The following FOXP1 variants were observed in gnomAD, a reference collection of about 807,000 sequenced individuals.
FOXP1 encodes the protein forkhead box protein P1.
FOXP1 carries 15 observed loss-of-function variants against 98.2 expected under a neutral mutation model. The observed-to-expected ratio is 0.15, with a 90% CI of 0.10 to 0.24. FOXP1 has a LOEUF of 0.24. Ranked by LOEUF, FOXP1 falls within the 10% of genes least tolerant of loss-of-function variation. FOXP1 has a pLI of 1.00. For synonymous variants in FOXP1, 371 were observed against 314.5 expected, an observed-to-expected ratio of 1.18 and a Z score of -1.90; for missense variants, 633 against 848.5, an observed-to-expected ratio of 0.75 and a Z score of 3.15.
At chr3:71,173,324 C>G (rs374071071) in intron 6 of FOXP1, among the ~76,000 whole-genome samples, 1 of 151,606 alleles carries the variant, frequency 6.6e-6, no homozygotes, top group Admixed American at 6.6e-5. Context: ...ATCAGCCTGA[C>G]TCTATTCACA....
chr3:71,263,317 C>T (rs757593448), intron 5 of FOXP1, among the ~76,000 whole-genome samples: 13 of 152,302 alleles, frequency 8.5e-5, no homozygotes, highest in East Asian at 1.9e-4. Flanking sequence ...GCCTGTGCAA[C>T]ACCACGAAAG....
chr3:71,246,984 C>A (rs2067799862), intron 5 of FOXP1, among the ~76,000 whole-genome samples: 1 of 152,090 alleles, frequency 6.6e-6, no homozygotes, highest in Non-Finnish European at 1.5e-5. Context: ...TCAATACATT[C>A]AATACAGGGT....
intron 3 of FOXP1, among the ~76,000 whole-genome samples, chr3:71,420,036 C>T (rs568307013): frequency 1.3e-5 from 2 of 152,016 alleles, no homozygotes; most frequent in South Asian, 4.2e-4. Flanking sequence ...AGGCTGGTCT[C>T]GAACTCCTGA....
intron 11 of FOXP1, 21 bp downstream of exon 11, chr3:71,041,307 A>G: frequency 6.2e-7 from 1 of 1,610,118 alleles, no homozygotes; most frequent in Admixed American, 1.7e-5. Context: ...TTTTGGACCC[A>G]TCTCAGTGGC....
At chr3:71,458,134 G>T (rs528189384) in intron 3 of FOXP1, among the ~76,000 whole-genome samples, 1 of 152,142 alleles carries the variant, frequency 6.6e-6, no homozygotes, top group Admixed American at 6.5e-5. Flanking sequence ...CTATCTCATT[G>T]ATACAAGATT....
intron 9 of FOXP1, among the ~76,000 whole-genome samples, chr3:71,048,607 T>C (rs534240162): frequency 8.5e-5 from 13 of 152,266 alleles, no homozygotes; most frequent in Admixed American, 8.5e-4. Flanking sequence ...ATGCATAAAA[T>C]GATCCAATTG....
intron 3 of FOXP1, among the ~76,000 whole-genome samples, chr3:71,445,402 T>TA (rs1245701869): frequency 6.6e-6 from 1 of 152,168 alleles, no homozygotes; most frequent in African/African-American, 2.4e-5. Context: ...GTCCACATTT[T>TA]AACCATGGAA....
chr3:70,959,462 T>C, intron 20 of FOXP1, 71 bp from the exon 21 acceptor site: 1 of 1,584,122 alleles, frequency 6.3e-7, no homozygotes, highest in Non-Finnish European at 8.6e-7. Context: ...ACTGAAAAGT[T>C]TGGGGCAACA....
chr3:71,301,254 C>T (rs1300752174), intron 4 of FOXP1, among the ~76,000 whole-genome samples: 6 of 152,102 alleles, frequency 3.9e-5, no homozygotes, highest in South Asian at 2.1e-4. Flanking sequence ...AAATGAAAAT[C>T]GTGTGCTTTA....
rs113468817 is a variant in FOXP1, at chr3:71,526,836, G to A, written c.-297-33281C>T. Among the ~76,000 whole-genome samples, 10 of 151,938 alleles carry A rather than the reference G, an allele frequency of 6.6e-5. No homozygotes were observed. In the East Asian group the frequency reaches 7.7e-4, roughly 12 times the overall value. Reference sequence around the variant, plus strand: ...TACAAAATTAGTCGGGCGTGGTGGCGCATGCCTGTAATCCCAGCTACTTGG... The same window carrying A: ...TACAAAATTAGTCGGGCGTGGTGGCACATGCCTGTAATCCCAGCTACTTGG... On this transcript the variant is annotated intron_variant, in intron 2 of 20. Coordinates refer to ENST00000649528, the MANE Select transcript of FOXP1 (RefSeq NM_001349338.3).
At chr3:71,495,832 CCT>C (rs2091368585) in intron 2 of FOXP1, among the ~76,000 whole-genome samples, 1 of 152,144 alleles carries the variant, frequency 6.6e-6, no homozygotes, top group South Asian at 2.1e-4. Context: ...TTTGGCACTA[CCT>C]GACCATGCTG....
intron 3 of FOXP1, among the ~76,000 whole-genome samples, chr3:71,449,615 T>C (rs1347248434): frequency 3.3e-5 from 5 of 152,166 alleles, no homozygotes; most frequent in Middle Eastern, 3.2e-3. Context: ...CCTTTTCTTG[T>C]CCTCTCCCAT....
Position 71,146,965 on chromosome 3 carries a change from A to C in FOXP1, c.181-34328T>G, listed in dbSNP as rs542676347. Among the ~76,000 whole-genome samples, 52 of 152,324 alleles carry C rather than the reference A, an allele frequency of 3.4e-4. 1 individual carries two copies. The South Asian group carries it at 0.011, about 32-fold the overall frequency. On this transcript the variant is annotated intron_variant, in intron 6 of 20. Coordinates refer to ENST00000649528, the MANE Select transcript of FOXP1 (RefSeq NM_001349338.3). Reference sequence around the variant, plus strand: ...TTGCTGGCGCCCAGTGAGCAAGGTTACCACCTGTCCAGCTTGCCTTTGAAT... The same window carrying C: ...TTGCTGGCGCCCAGTGAGCAAGGTTCCCACCTGTCCAGCTTGCCTTTGAAT...
At chr3:70,991,418 T>C (rs1037844745) in intron 13 of FOXP1, among the ~76,000 whole-genome samples, 2 of 152,200 alleles carry the variant, frequency 1.3e-5, no homozygotes, top group Non-Finnish European at 2.9e-5. Flanking sequence ...GAGCCACTGA[T>C]AACTGCCAAA....
chr3:71,544,850 T>TC (rs2045230032), intron 2 of FOXP1, among the ~76,000 whole-genome samples: 1 of 151,138 alleles, frequency 6.6e-6, no homozygotes. Flanking sequence ...TAATAGGGCT[T>TC]TTTTTTTCCA....
chr3:71,326,319 A>G (rs1325298873), intron 4 of FOXP1, among the ~76,000 whole-genome samples: 1 of 152,188 alleles, frequency 6.6e-6, no homozygotes, highest in African/African-American at 2.4e-5. Flanking sequence ...TACATACCCA[A>G]TGGGGACTCA....
intron 7 of FOXP1, among the ~76,000 whole-genome samples, chr3:71,109,107 T>C (rs1215027324): frequency 6.6e-6 from 1 of 152,226 alleles, no homozygotes; most frequent in Non-Finnish European, 1.5e-5. Context: ...AGAAGCAATA[T>C]CTATACCCGA....
intron 6 of FOXP1, among the ~76,000 whole-genome samples, chr3:71,115,983 G>A (rs929254724): frequency 4.6e-5 from 7 of 152,094 alleles, no homozygotes; most frequent in Admixed American, 3.9e-4. Context: ...TGATCTGCCC[G>A]CCTCAGCTTC....
At chr3:71,458,807 A>G (rs1323959957) in intron 3 of FOXP1, among the ~76,000 whole-genome samples, 1 of 152,210 alleles carries the variant, frequency 6.6e-6, no homozygotes, top group Non-Finnish European at 1.5e-5. Flanking sequence ...TTGACACTAT[A>G]ATGAAAAGAA....
Sources: allele counts gnomAD v4.1 joint callset (sites outside exome capture counted in the v4.1 genomes callset), GRCh38; gene constraint gnomAD v4.1.1; transcripts MANE v1.5; gene names NCBI Gene and HGNC (gene_info 2026-07-23, HGNC 2026-07-21).